The following BPNT1 variants were observed in gnomAD, a reference collection of about 807,000 sequenced individuals.
BPNT1 encodes 3'(2'), 5'-bisphosphate nucleotidase 1.
Under a neutral mutation model 36.9 loss-of-function variants are expected in BPNT1, and 28 were observed. That is an observed-to-expected ratio of 0.76 (90% CI 0.56 to 1.04). The LOEUF (loss-of-function observed/expected upper bound fraction) is 1.04, where lower values mean the gene tolerates loss of function less well. BPNT1 is among the 50% of genes least tolerant of loss of function. BPNT1 has a pLI of 0.00. For missense variants in BPNT1, 313 were observed against 372.9 expected (o/e 0.84, Z 1.32); for synonymous variants, 119 against 130.9 (o/e 0.91, Z 0.62).
In BPNT1 at chr1:220,089,691, A is replaced by G. The variant is rs1656120458; in HGVS notation, c.-14T>C. 1 of 152,244 alleles carries G rather than the reference A, an allele frequency of 6.6e-6. No individual in the cohort carries two copies. Among genetic ancestry groups the G allele is most frequent in the Admixed American group, 6.5e-5 (1 of 15,280 alleles). 9.4% of individuals were successfully genotyped at this position (152,244 alleles called of 1,614,324 possible). A position where few individuals can be genotyped will look rare whatever the true frequency, so the allele number is the denominator to read the frequency against. The stretch of plus-strand genomic sequence containing the variant: ...GGAGAGAAACGGTGACAAACCTGGA[A>G]CAACGTTGGACCAAAGACACTTCAG... On this transcript the variant is annotated 5_prime_UTR_variant, in exon 1 of 9. Coordinates refer to ENST00000322067, the MANE Select transcript of BPNT1 (RefSeq NM_006085.6).
chr1:220,060,755 A>T (rs916271574), intron 7 of BPNT1, among the ~76,000 whole-genome samples: 1 of 152,194 alleles, frequency 6.6e-6, no homozygotes, highest in Admixed American at 6.5e-5. Context: ...AAGTCCTGAG[A>T]ACATGTGCCC....
chr1:220,080,544 A>G (rs1665012266), intron 1 of BPNT1, among the ~76,000 whole-genome samples: 1 of 152,176 alleles, frequency 6.6e-6, no homozygotes, highest in Non-Finnish European at 1.5e-5. Context: ...CAAAGGGGGA[A>G]GCAAGACACC....
chr1:220,062,436 T>C (rs903437164), intron 7 of BPNT1, among the ~76,000 whole-genome samples: 6 of 152,154 alleles, frequency 3.9e-5, no homozygotes, highest in South Asian at 2.1e-4. Context: ...GAATGATGAT[T>C]TCCAATTTCA....
intron 1 of BPNT1, among the ~76,000 whole-genome samples, chr1:220,088,491 A>T (rs1655962268): frequency 6.6e-6 from 1 of 150,986 alleles, no homozygotes; most frequent in African/African-American, 2.4e-5. Context: ...AAAAAAAAAA[A>T]AAAAAAAAAA....
intron 1 of BPNT1, among the ~76,000 whole-genome samples, chr1:220,086,400 T>C (rs1182092608): frequency 6.6e-6 from 1 of 151,860 alleles, no homozygotes; most frequent in African/African-American, 2.4e-5. Context: ...TATGGCTGAG[T>C]AGCTGGAACT....
Position 220,058,817 on chromosome 1 carries a change from C to A in BPNT1, c.*27G>T. 1 of 1,610,712 alleles carries A rather than the reference C, an allele frequency of 6.2e-7. No individual in the cohort carries two copies. The stretch of plus-strand genomic sequence containing the variant: ...GTGCTGGGATTACAGGCATGAGCCA[C>A]CGCGCCCGGCCAAATGAAACTTTCC... On this transcript the variant is annotated 3_prime_UTR_variant, in exon 9 of 9. Coordinates refer to ENST00000322067, the MANE Select transcript of BPNT1 (RefSeq NM_006085.6).
chr1:220,066,116 T>G, intron 6 of BPNT1: 1 of 1,515,108 alleles, frequency 6.6e-7, no homozygotes, highest in Non-Finnish European at 8.8e-7. Context: ...TTTTTCATTG[T>G]TCTGTGGAAA....
At chr1:220,069,478 A>G in intron 4 of BPNT1, 46 bp from the exon 5 acceptor site, 1 of 1,430,892 alleles carries the variant, frequency 7.0e-7, no homozygotes. Flanking sequence ...CAAGCACACA[A>G]AATTCTAAAA....
intron 5 of BPNT1, among the ~76,000 whole-genome samples, chr1:220,067,721 G>A (rs572114318): frequency 2.0e-5 from 3 of 152,104 alleles, no homozygotes; most frequent in Admixed American, 6.6e-5. Context: ...CTTACCTGCC[G>A]AATCACTTTA....
At chr1:220,084,685 T>G (rs1655548343) in intron 1 of BPNT1, among the ~76,000 whole-genome samples, 1 of 152,214 alleles carries the variant, frequency 6.6e-6, no homozygotes. Flanking sequence ...ACTCAACTAC[T>G]TCCCCTTGTA....
Position 220,058,721 on chromosome 1 carries a change from G to C in BPNT1, c.*123C>G. On this transcript the variant is annotated 3_prime_UTR_variant, in exon 9 of 9. Coordinates refer to ENST00000322067, the MANE Select transcript of BPNT1 (RefSeq NM_006085.6). ...TAATTTGTATTTTTGTAGAGATGGG[G>C]TCTCACGATATTGCCCAGGCTGGTC... 1 of 974,508 alleles carries C rather than the reference G, an allele frequency of 1.0e-6. No homozygotes were observed. The highest frequency in any genetic ancestry group is 1.5e-6 in the Non-Finnish European group (1 of 655,272). 60.4% of individuals were successfully genotyped at this position (974,508 alleles called of 1,614,324 possible).
At chr1:220,073,530 G>A (rs1396153919) in intron 3 of BPNT1, among the ~76,000 whole-genome samples, 2 of 152,134 alleles carry the variant, frequency 1.3e-5, no homozygotes, top group Admixed American at 1.3e-4. Context: ...CTGACCTCGT[G>A]ATTCGCCCGC....
At chr1:220,065,929 G>C (rs1343851772) in intron 6 of BPNT1, 1 of 465,532 alleles carries the variant, frequency 2.1e-6, no homozygotes, top group Non-Finnish European at 3.7e-6. Context: ...GAAGGGAAGT[G>C]GTACAGAGAG....
chr1:220,082,964 C>A (rs1655334867), intron 1 of BPNT1, among the ~76,000 whole-genome samples: 1 of 152,074 alleles, frequency 6.6e-6, no homozygotes, highest in Non-Finnish European at 1.5e-5. Context: ...TATGGCCGGG[C>A]ACAGTGGCTC....
intron 1 of BPNT1, among the ~76,000 whole-genome samples, chr1:220,081,175 T>TC (rs956166201): frequency 8.2e-4 from 124 of 151,172 alleles, no homozygotes; most frequent in African/African-American, 2.8e-3. Context: ...GACCTCGTGA[T>TC]CCCCCCCCTT....
At chr1:220,078,510 A>G (rs574296427) in intron 2 of BPNT1, among the ~76,000 whole-genome samples, 2 of 140,668 alleles carry the variant, frequency 1.4e-5, no homozygotes, top group South Asian at 4.3e-4. Context: ...TTTATATAAT[A>G]TAATTATATA....
chr1:220,066,766 T>C (rs1016950419), intron 6 of BPNT1, among the ~76,000 whole-genome samples: 1 of 152,212 alleles, frequency 6.6e-6, no homozygotes, highest in Non-Finnish European at 1.5e-5. Flanking sequence ...TAGTACGTTC[T>C]GTTACCAACA....
At chr1:220,059,865 C>T (rs1447409067) in intron 7 of BPNT1, 74 bp from the exon 8 acceptor site, 2 of 1,173,922 alleles carry the variant, frequency 1.7e-6, no homozygotes, top group Non-Finnish European at 2.4e-6. Context: ...GATTGAGGTA[C>T]AGATAAGAAA....
chr1:220,079,608 T>A lies in BPNT1; in HGVS notation c.120+119A>T, dbSNP rs1298038038. The A allele has an allele frequency of 8.0e-6, 10 of 1,246,282 alleles. No homozygotes were observed. The Admixed American group carries it at 1.1e-4, about 13-fold the overall frequency. 77.2% of individuals were successfully genotyped at this position (1,246,282 alleles called of 1,614,324 possible). On this transcript the variant is annotated intron_variant, in intron 2 of 8. Transcript: ENST00000322067. ...CTTTAGAACCAAGCGTCTTGCAGTCTCCCTAAGGGAGCCATCAATTATTTT... is the reference window on the plus strand; with the variant it reads ...CTTTAGAACCAAGCGTCTTGCAGTCACCCTAAGGGAGCCATCAATTATTTT...
Sources: allele counts gnomAD v4.1 joint callset (sites outside exome capture counted in the v4.1 genomes callset), GRCh38; gene constraint gnomAD v4.1.1; transcripts MANE v1.5; gene names NCBI Gene and HGNC (gene_info 2026-07-23, HGNC 2026-07-21).